The following KIFC2 variants were observed in gnomAD, a reference collection of about 807,000 sequenced individuals.
The protein encoded by KIFC2 is kinesin family member C2, also known as kinesin-like protein KIFC2.
KIFC2 carries 94 observed loss-of-function variants against 91.5 expected under a neutral mutation model. That is an observed-to-expected ratio of 1.03 (90% CI 0.87 to 1.22). KIFC2 has a LOEUF of 1.22. Ranked by LOEUF, KIFC2 falls within the 50% of genes most tolerant of loss-of-function variation. The pLI, the probability that KIFC2 is intolerant of heterozygous loss-of-function variation, is 0.00. For missense variants in KIFC2, 1,357 were observed against 1,103.3 expected (o/e 1.23, Z -3.26); for synonymous variants, 729 against 503.9 (o/e 1.45, Z -5.98).
At position 144,468,375 on chromosome 8, in the gene KIFC2, C is replaced by T. The variant is rs768905231; in HGVS notation, c.857C>T (p.Ala286Val). 1 of 1,612,964 alleles carries T rather than the reference C, an allele frequency of 6.2e-7. No homozygotes were observed. Among genetic ancestry groups the T allele is most frequent in the East Asian group, 2.2e-5 (1 of 44,862 alleles). Residue 286 changes from alanine to valine, a missense_variant, in exon 8 of 18, where the codon GCC becomes GTC. By Grantham distance (64) the Ala-to-Val change is moderately conservative. Transcript: ENST00000645548. ...GAGCTCCAGGGCCGGCTTCAGGAGG[C>T]CCAAGACACCACAGAAGCCCTCCGA... Reference protein sequence around the residue: ...LLELQGRLQEAQDTTEALRAQ... With the variant: ...LLELQGRLQEVQDTTEALRAQ...
chr8:144,472,455 G>A lies in KIFC2; in HGVS notation c.1702G>A (p.Asp568Asn), dbSNP rs1012651557. The A allele has an allele frequency of 6.2e-7, 1 of 1,612,368 alleles. No homozygotes were observed. The stretch of plus-strand genomic sequence containing the variant: ...CCAGGTGGCTGGCCTCACCCACTGG[G>A]ACGTGCCCAACCTGGAGACATTGCA... The part of the protein sequence containing the change: ...GIQVAGLTHW[D>N]VPNLETLHQM... Residue 568 changes from aspartate (D) to asparagine (N), a missense_variant, in exon 15 of 18, where the codon GAC becomes AAC. Asp to Asn is a conservative substitution (Grantham distance 23). Transcript: ENST00000645548.
At position 144,468,734 on chromosome 8, in the gene KIFC2, C is replaced by T. The variant is rs919917417; in HGVS notation, c.1013C>T (p.Ala338Val). 2 of 1,613,892 alleles carry T rather than the reference C, an allele frequency of 1.2e-6. No homozygotes were observed. The highest frequency in any genetic ancestry group is 1.7e-6 in the Non-Finnish European group (2 of 1,179,998). Reference sequence around the variant, plus strand: ...AGACTTCCCTCTCCAGGACTTCGGGCACGGATGGCCAGCCTGCGTCAGGGC... The same window carrying T: ...AGACTTCCCTCTCCAGGACTTCGGGTACGGATGGCCAGCCTGCGTCAGGGC... Reference protein sequence around the residue: ...QMHGQLAGLRARMASLRQGCG... With the variant: ...QMHGQLAGLRVRMASLRQGCG... Residue 338 changes from alanine (A) to valine (V), a missense_variant, in exon 10 of 18, where the codon GCA becomes GTA. Coordinates refer to ENST00000645548, the MANE Select transcript of KIFC2 (RefSeq NM_001369769.2).
At position 144,474,170 on chromosome 8, in the gene KIFC2, G is replaced by C. The variant is rs1303946289; in HGVS notation, c.*781G>C. ...TGCTGTGGTCGCAGACAGCCGCCTC[G>C]CCTTGGCTCCCTGTCAACAAGGTGG... On this transcript the variant is annotated 3_prime_UTR_variant, in exon 18 of 18. Coordinates refer to ENST00000645548, the MANE Select transcript of KIFC2 (RefSeq NM_001369769.2). The C allele has an allele frequency of 7.8e-7, 1 of 1,274,128 alleles. No individual in the cohort carries two copies. The highest frequency in any genetic ancestry group is 1.1e-6 in the Non-Finnish European group (1 of 931,902). The allele number at this position is 1,274,128 out of a possible 1,614,324, so 78.9% of individuals were successfully genotyped here.
chr8:144,471,903 G>A lies in KIFC2; in HGVS notation c.1381-39G>A, dbSNP rs374053621. On this transcript the variant is annotated intron_variant, in intron 12 of 17. Transcript: ENST00000645548. Reference sequence around the variant, plus strand: ...ACCAAATAGGGCATAAACAGGCAACGTGGGGAGGACTCAAAACACATTCTC... The same window carrying A: ...ACCAAATAGGGCATAAACAGGCAACATGGGGAGGACTCAAAACACATTCTC... The A allele has an allele frequency of 3.9e-4, 616 of 1,587,652 alleles. 2 individuals are homozygous for A. Among genetic ancestry groups the A allele is most frequent in the Non-Finnish European group, 1.4e-4 (165 of 1,157,438 alleles).
chr8:144,467,500 A>G lies in KIFC2; in HGVS notation c.485A>G (p.Glu162Gly), dbSNP rs376774034. 5.7e-6 allele frequency: 9 copies of G among 1,576,992 alleles called. No individual in the cohort carries two copies. The highest frequency in any genetic ancestry group is 5.7e-5 in the Admixed American group (3 of 53,030). Residue 162 changes from glutamate to glycine, a missense_variant, in exon 5 of 18, where the codon GAA (glutamate) becomes GGA (glycine). Physicochemically the swap from Glu to Gly is moderately conservative, Grantham distance 98. Transcript: ENST00000645548. ...PPSPDGSTSQ[E>G]ESPSHFTAVP... Reference sequence around the variant, plus strand: ...CCTACTCCAGGATCCACATCCCAAGAAGAAAGCCCTTCCCACTTCACCGCA... The same window carrying G: ...CCTACTCCAGGATCCACATCCCAAGGAGAAAGCCCTTCCCACTTCACCGCA...
rs1173770861 is a variant in KIFC2, at chr8:144,468,561, A to T, written c.914A>T (p.Gln305Leu). Residue 305 changes from glutamine to leucine, a missense_variant, in exon 9 of 18, where the codon CAG (glutamine) becomes CTG (leucine). Gln to Leu is a moderately radical substitution (Grantham distance 113). Transcript: ENST00000645548. ...CTGGGGGTGCAGGAGGTGCAGCTGCAGGGCCTTCAAGGGGCCCTCCAGCAG... is the reference window on the plus strand; with the variant it reads ...CTGGGGGTGCAGGAGGTGCAGCTGCTGGGCCTTCAAGGGGCCCTCCAGCAG... ...AQLGVQEVQL[Q>L]GLQGALQQLQ... 3.1e-6 allele frequency: 5 copies of T among 1,598,290 alleles called. No individual in the cohort carries two copies. The South Asian group carries it at 3.3e-5, about 11-fold the overall frequency.
At chr8:144,470,622 C>T (rs1192850509) in intron 12 of KIFC2, 3 of 152,320 alleles carry the variant, frequency 2.0e-5, no homozygotes, top group Non-Finnish European at 2.9e-5. Flanking sequence ...ACCTTCTGGG[C>T]ATAAAAGCCA....
rs562782343 is a variant in KIFC2, at chr8:144,472,204, G to A, written c.1552G>A (p.Gly518Ser). The change falls in exon 14 of 18, where the codon GGC (glycine) becomes AGC (serine). Residue 518 changes from glycine to serine, a missense_variant. Physicochemically the swap from Gly to Ser is moderately conservative, Grantham distance 56. Coordinates refer to ENST00000645548, the MANE Select transcript of KIFC2 (RefSeq NM_001369769.2). ...GTCGCTGTTCCGGGAGATGGGGGCC[G>A]GCCGGCAGCACCGGGTGACACTCAG... ...LQSLFREMGA[G>S]RQHRVTLSMV... is the part of the protein sequence containing the mutation. The A allele has an allele frequency of 9.9e-6, 16 of 1,613,372 alleles. No individual in the cohort carries two copies. The highest frequency in any genetic ancestry group is 3.3e-5 in the Admixed American group (2 of 60,030).
Position 144,467,786 on chromosome 8 carries a change from C to T in KIFC2, c.681+7C>T, listed in dbSNP as rs753513747. ...TCGACTGCGCCTGGGCGTGGTGAGG[C>T]TGCAGGGAGACCTGGCAGGGCCGGG... is the stretch of plus-strand genomic sequence containing the variant. On this transcript the variant is annotated splice_region_variant and intron_variant, in intron 6 of 17. Transcript: ENST00000645548. 5.0e-6 allele frequency: 8 copies of T among 1,613,710 alleles called. No individual in the cohort carries two copies. The highest frequency in any genetic ancestry group is 2.2e-5 in the East Asian group (1 of 44,894).
At chr8:144,470,233 C>T (rs140018824) in intron 12 of KIFC2, among the ~76,000 whole-genome samples, 74 of 150,530 alleles carry the variant, frequency 4.9e-4, no homozygotes, top group African/African-American at 1.7e-3. Flanking sequence ...GACAGGGGGA[C>T]GACTGCCCAG....
At chr8:144,466,672 G>T in intron 1 of KIFC2, 88 bp from the exon 2 acceptor site, 1 of 1,189,532 alleles carries the variant, frequency 8.4e-7, no homozygotes, top group Middle Eastern at 2.9e-4. Flanking sequence ...GTAGACTTCG[G>T]CCCCAATCCT....
At chr8:144,470,564 CT>C (rs1233657504) in intron 12 of KIFC2, 1 of 152,278 alleles carries the variant, frequency 6.6e-6, no homozygotes, top group African/African-American at 2.4e-5. Flanking sequence ...AGATTCTAGC[CT>C]TGTGGCTGTC....
chr8:144,467,260 T>G lies in KIFC2; in HGVS notation c.388T>G (p.Trp130Gly). ...VTSQLLALLA[W>G]LRSPRGRQAL... ...CAGTCAGCTCTTGGCCCTTCTGGCA[T>G]GGCTTCGAAGCCCCAGGGGGAGGCA... The change falls in exon 4 of 18, where the codon TGG becomes GGG. Residue 130 changes from tryptophan (W) to glycine (G), a missense_variant. Transcript: ENST00000645548. 1 of 1,613,576 alleles carries G rather than the reference T, an allele frequency of 6.2e-7. No individual in the cohort carries two copies. The highest frequency in any genetic ancestry group is 8.5e-7 in the Non-Finnish European group (1 of 1,180,008).
At position 144,472,654 on chromosome 8, in the gene KIFC2, G is replaced by A. The variant is rs1824977560; in HGVS notation, c.1809G>A (p.Leu603=). Reference sequence around the variant, plus strand: ...AGCGCAGCTCCCGCTCGCATGCCCTGGTCACGCTGACGCTGCGCGCGGCGT... The same window carrying A: ...AGCGCAGCTCCCGCTCGCATGCCCTAGTCACGCTGACGCTGCGCGCGGCGT... ...MNQRSSRSHA[L]VTLTLRAASP... The change falls in exon 16 of 18, where the codon CTG becomes CTA. Residue 603 remains leucine (L), a synonymous_variant. Coordinates refer to ENST00000645548, the MANE Select transcript of KIFC2 (RefSeq NM_001369769.2). 1 of 1,599,784 alleles carries A rather than the reference G, an allele frequency of 6.3e-7. No individual in the cohort carries two copies. The highest frequency in any genetic ancestry group is 1.1e-5 in the South Asian group (1 of 90,988).
rs1825000736 is a variant in KIFC2, at chr8:144,473,067, G to A, written c.2118+16G>A. ...GCTGCTGCAGGTGGGCGCCGGGGCG[G>A]GGCAGGTGTGTGCGTGCCGGTCGCC... On this transcript the variant is annotated intron_variant, in intron 17 of 17. Coordinates refer to ENST00000645548, the MANE Select transcript of KIFC2 (RefSeq NM_001369769.2). The A allele has an allele frequency of 6.7e-7, 1 of 1,499,036 alleles. No homozygotes were observed. The highest frequency in any genetic ancestry group is 1.3e-5 in the South Asian group (1 of 76,300). 92.9% of individuals were successfully genotyped at this position (1,499,036 alleles called of 1,614,324 possible).
intron 9 of KIFC2, 36 bp downstream of exon 9, chr8:144,468,686 G>A (rs957075498): frequency 1.2e-6 from 2 of 1,612,044 alleles, no homozygotes; most frequent in Non-Finnish European, 1.7e-6. Flanking sequence ...GGAGGCCCTG[G>A]AGGCTGGGCC....
Position 144,467,998 on chromosome 8 carries a change from C to T in KIFC2, c.810+11C>T, listed in dbSNP as rs779658720. On this transcript the variant is annotated intron_variant, in intron 7 of 17. Transcript: ENST00000645548. ...ATCAGGGCTCCGCAGGTACTCTGCT[C>T]CCGAGCTGCAGCCGTTCCTGCAGCC... is the stretch of plus-strand genomic sequence containing the variant. The T allele has an allele frequency of 3.9e-6, 6 of 1,531,318 alleles. No individual in the cohort carries two copies. In the East Asian group the frequency reaches 7.1e-5, roughly 18 times the overall value. 94.9% of individuals were successfully genotyped at this position (1,531,318 alleles called of 1,614,324 possible).
rs981013471 is a variant in KIFC2, at chr8:144,471,811, C to A, written c.1381-131C>A. The A allele has an allele frequency of 1.2e-5, 9 of 753,712 alleles. No homozygotes were observed. The African/African-American group carries it at 1.2e-4, about 10-fold the overall frequency. The allele number at this position is 753,712 out of a possible 1,614,324, so 46.7% of individuals were successfully genotyped here. On this transcript the variant is annotated intron_variant, in intron 12 of 17. Coordinates refer to ENST00000645548, the MANE Select transcript of KIFC2 (RefSeq NM_001369769.2). ...TGTAGGACACACCCTCCCCCATGGT[C>A]CCTTAGAGCCATCCTCCCAGGAGAC... is the stretch of plus-strand genomic sequence containing the variant.
Position 144,467,499 on chromosome 8 carries a change from G to A in KIFC2, c.484G>A (p.Glu162Lys), listed in dbSNP as rs1386656107. 4 of 1,576,192 alleles carry A rather than the reference G, an allele frequency of 2.5e-6. No individual in the cohort carries two copies. Among genetic ancestry groups the A allele is most frequent in the South Asian group, 1.2e-5 (1 of 84,710 alleles). ...CCCTACTCCAGGATCCACATCCCAAGAAGAAAGCCCTTCCCACTTCACCGC... is the reference window on the plus strand; with the variant it reads ...CCCTACTCCAGGATCCACATCCCAAAAAGAAAGCCCTTCCCACTTCACCGC... ...PPSPDGSTSQ[E>K]ESPSHFTAVP... Residue 162 changes from glutamate to lysine, a missense_variant, in exon 5 of 18, where the codon GAA (glutamate) becomes AAA (lysine). Transcript: ENST00000645548.
Sources: gnomAD v4.1 joint callset for allele counts (sites outside exome capture counted in the v4.1 genomes callset) on GRCh38, gnomAD v4.1.1 for gene constraint, MANE v1.5 for transcripts, NCBI Gene and HGNC (gene_info 2026-07-23, HGNC 2026-07-21) for gene names.